The following GOT1 variants were observed in gnomAD, a reference collection of about 807,000 sequenced individuals.
GOT1 encodes glutamic-oxaloacetic transaminase 1, also known as aspartate aminotransferase, cytoplasmic.
In GOT1, 25 loss-of-function variants were observed where a neutral mutation model predicts 48.2. The observed-to-expected ratio is 0.52, with a 90% CI of 0.38 to 0.72. The LOEUF is 0.72. Among genes scored for constraint, GOT1 ranks in the 30% least tolerant of loss-of-function variants. The pLI is 0.00. For missense variants in GOT1, 380 were observed against 520.1 expected, an observed-to-expected ratio of 0.73 and a Z score of 2.62; for synonymous variants, 188 against 193.8, an observed-to-expected ratio of 0.97 and a Z score of 0.25.
chr10:99,397,721 G>T lies in GOT1; in HGVS notation c.1103-35C>A. Reference sequence around the variant, plus strand: ...ACCAAAAGAAGACATAATCAGAGCAGAGGGGATCCTTAAAGCAGTGGAGGC... The same window carrying T: ...ACCAAAAGAAGACATAATCAGAGCATAGGGGATCCTTAAAGCAGTGGAGGC... On this transcript the variant is annotated intron_variant, in intron 8 of 8. Transcript: ENST00000370508. The surrounding 1 kb of genome is among the most constrained non-coding windows in gnomAD (Gnocchi z 5.4). The T allele has an allele frequency of 6.2e-7, 1 of 1,607,502 alleles. No homozygotes were observed. Among genetic ancestry groups the T allele is most frequent in the Admixed American group, 1.7e-5 (1 of 59,968 alleles).
At chr10:99,417,689 T>A (rs1243223750) in intron 2 of GOT1, among the ~76,000 whole-genome samples, 4 of 152,168 alleles carry the variant, frequency 2.6e-5, no homozygotes, top group Admixed American at 6.5e-5. Context: ...CAAATGTCCA[T>A]CAATGATAGA....
intron 2 of GOT1, among the ~76,000 whole-genome samples, chr10:99,408,835 C>A (rs992166970): frequency 3.9e-5 from 6 of 152,178 alleles, no homozygotes; most frequent in African/African-American, 1.2e-4. Flanking sequence ...TTGGCCTAAT[C>A]TATAAGTCGT....
intron 8 of GOT1, among the ~76,000 whole-genome samples, chr10:99,398,334 C>G (rs897976608): frequency 2.6e-5 from 4 of 152,234 alleles, no homozygotes; most frequent in African/African-American, 9.6e-5. Context: ...ATACAGCAGT[C>G]TCTAAAGCAG....
intron 2 of GOT1, among the ~76,000 whole-genome samples, chr10:99,407,518 C>T (rs184122194): frequency 5.3e-5 from 8 of 151,696 alleles, no homozygotes; most frequent in Middle Eastern, 3.4e-3. Flanking sequence ...CTGCAACTTC[C>T]GCCTCCCAGG....
At position 99,398,655 on chromosome 10, in the gene GOT1, A is replaced by G. The variant is rs1172671472; in HGVS notation, c.1103-969T>C. Among the ~76,000 whole-genome samples the G allele has an allele frequency of 2.6e-5, 4 of 151,492 alleles. No individual in the cohort carries two copies. In the South Asian group the frequency reaches 6.3e-4, roughly 24 times the overall value. ...CACTGCACTCCAGCCTGGGTGACAGAGTGAGACTCTGTCTCAAAAAAAAAA... is the reference window on the plus strand; with the variant it reads ...CACTGCACTCCAGCCTGGGTGACAGGGTGAGACTCTGTCTCAAAAAAAAAA... On this transcript the variant is annotated intron_variant, in intron 8 of 8. Coordinates refer to ENST00000370508, the MANE Select transcript of GOT1 (RefSeq NM_002079.3).
rs543653767 is a variant in GOT1 at position 99,430,257 on chromosome 10, C to T, written c.118+191G>A. Reference sequence around the variant, plus strand: ...CGGCCTCGGACACATCGCCCCTTTCCAGGGACTCCACACCTGCATCTGTAA... The same window carrying T: ...CGGCCTCGGACACATCGCCCCTTTCTAGGGACTCCACACCTGCATCTGTAA... On this transcript the variant is annotated intron_variant, in intron 1 of 8. Transcript: ENST00000370508. The T allele has an allele frequency of 2.4e-5, 36 of 1,517,658 alleles. No homozygotes were observed. The South Asian group carries it at 4.2e-4, about 18-fold the overall frequency. 94.0% of individuals were successfully genotyped at this position (1,517,658 alleles called of 1,614,324 possible). A position where few individuals can be genotyped will look rare whatever the true frequency, so the allele number is the denominator to read the frequency against.
rs778468898 is a variant in GOT1 at position 99,405,879 on chromosome 10, T to C, written c.538-19A>G. On this transcript the variant is annotated intron_variant, in intron 4 of 8. Coordinates refer to ENST00000370508, the MANE Select transcript of GOT1 (RefSeq NM_002079.3). ...GAGCATTCTGAGGAGAAGGAAGCTA[T>C]GTCAGCTCTGACACTGATGGGAATA... 5.2e-6 allele frequency: 7 copies of C among 1,353,526 alleles called. No homozygotes were observed. The South Asian group carries it at 5.8e-5, about 11-fold the overall frequency. 83.8% of individuals were successfully genotyped at this position (1,353,526 alleles called of 1,614,324 possible).
At chr10:99,412,434 A>G (rs2032838406) in intron 2 of GOT1, among the ~76,000 whole-genome samples, 3 of 151,756 alleles carry the variant, frequency 2.0e-5, no homozygotes, top group South Asian at 4.2e-4. Context: ...AACAGGGAAG[A>G]GACTAGAGGC....
chr10:99,402,533 G>A (rs1437643602), intron 8 of GOT1, 47 bp downstream of exon 8: 1 of 1,602,076 alleles, frequency 6.2e-7, no homozygotes, highest in East Asian at 2.2e-5. Flanking sequence ...AAGGAATGTT[G>A]TGTGTCTACA....
At chr10:99,427,727 G>C (rs1012870953) in intron 1 of GOT1, among the ~76,000 whole-genome samples, 2 of 152,152 alleles carry the variant, frequency 1.3e-5, no homozygotes, top group Non-Finnish European at 2.9e-5. Context: ...TCCCACTACA[G>C]TGTACTGGCT....
In GOT1 at chr10:99,403,716, G is replaced by A; in HGVS notation, c.793+8C>T. ...GGTGGGGCTGTAACTCCTCAGGAGA[G>A]CACTCACTGTAGAGCCCGAAGTTCT... On this transcript the variant is annotated splice_region_variant and intron_variant, in intron 6 of 8. Transcript: ENST00000370508. The A allele has an allele frequency of 1.2e-6, 2 of 1,614,148 alleles. No individual in the cohort carries two copies. The highest frequency in any genetic ancestry group is 1.7e-6 in the Non-Finnish European group (2 of 1,179,974).
intron 3 of GOT1, 118 bp from the exon 4 acceptor site, chr10:99,406,367 G>C (rs1353620123): frequency 1.4e-6 from 1 of 727,576 alleles, no homozygotes; most frequent in African/African-American, 1.7e-5. Context: ...GCATCATCCA[G>C]GCTGGGGGTT....
Position 99,397,420 on chromosome 10 carries a change from C to A in GOT1, c.*127G>T, listed in dbSNP as rs1220665383. The stretch of plus-strand genomic sequence containing the variant: ...GTGGGGCCGGTTTAAACAGAGGCTG[C>A]CTCACCAGAGCAGCCTTTCAGTCCT... On this transcript the variant is annotated 3_prime_UTR_variant, in exon 9 of 9. Coordinates refer to ENST00000370508, the MANE Select transcript of GOT1 (RefSeq NM_002079.3). This position sits in a 1 kb window ranked among gnomAD's most constrained non-coding sequence, Gnocchi z 5.4. The A allele has an allele frequency of 3.0e-6, 3 of 994,646 alleles. No homozygotes were observed. Among genetic ancestry groups the A allele is most frequent in the Non-Finnish European group, 4.7e-6 (3 of 642,820 alleles). 61.6% of individuals were successfully genotyped at this position (994,646 alleles called of 1,614,324 possible). A position where few individuals can be genotyped will look rare whatever the true frequency, so the allele number is the denominator to read the frequency against.
At chr10:99,407,599 A>AT (rs1564970578) in intron 2 of GOT1, among the ~76,000 whole-genome samples, 2 of 151,678 alleles carry the variant, frequency 1.3e-5, no homozygotes, top group African/African-American at 4.8e-5. Context: ...TGCCCGGCTA[A>AT]TTTTTTGTAT....
At chr10:99,416,999 T>C (rs1589941220) in intron 2 of GOT1, among the ~76,000 whole-genome samples, 3 of 152,082 alleles carry the variant, frequency 2.0e-5, no homozygotes, top group South Asian at 4.1e-4. Context: ...TAGGCAATAC[T>C]ATTCAGGACA....
chr10:99,417,154 G>A (rs2134105816), intron 2 of GOT1, among the ~76,000 whole-genome samples: 1 of 152,280 alleles, frequency 6.6e-6, no homozygotes, highest in South Asian at 2.1e-4. Context: ...CCTACAGAAT[G>A]GGAGAACATT....
chr10:99,419,930 T>C (rs1182275691), intron 2 of GOT1, among the ~76,000 whole-genome samples: 2 of 152,188 alleles, frequency 1.3e-5, no homozygotes, highest in Non-Finnish European at 2.9e-5. Flanking sequence ...TACTTCCAAA[T>C]GTGTTCTTCC....
intron 1 of GOT1, among the ~76,000 whole-genome samples, chr10:99,422,816 G>A (rs1589943462): frequency 6.6e-6 from 1 of 152,246 alleles, no homozygotes; most frequent in East Asian, 1.9e-4. Flanking sequence ...TTTTACATTT[G>A]CGCATAGAGA....
chr10:99,426,785 T>G (rs1268926845), intron 1 of GOT1, among the ~76,000 whole-genome samples: 2 of 152,226 alleles, frequency 1.3e-5, no homozygotes, highest in African/African-American at 2.4e-5. Flanking sequence ...GAAGAAAAAC[T>G]GAGGAAACTA....
Sources: allele counts gnomAD v4.1 joint callset (sites outside exome capture counted in the v4.1 genomes callset), GRCh38; gene constraint gnomAD v4.1.1; non-coding constraint Gnocchi (gnomAD v3.1); transcripts MANE v1.5; gene names NCBI Gene and HGNC (gene_info 2026-07-23, HGNC 2026-07-21).